The following ATXN10 variants were observed in gnomAD, a reference collection of about 807,000 sequenced individuals.
ATXN10 encodes the protein ataxin 10.
A neutral mutation model predicts 52.9 loss-of-function variants in ATXN10; 28 were observed. The ratio of observed to expected loss-of-function variants is 0.53; its 90% CI spans 0.39 to 0.73. The LOEUF (loss-of-function observed/expected upper bound fraction) is 0.73, where lower values mean the gene tolerates loss of function less well. Ranked by LOEUF, ATXN10 falls within the 30% of genes least tolerant of loss-of-function variation. ATXN10 has a pLI of 0.00. For missense variants in ATXN10, 565 were observed against 577.0 expected, an observed-to-expected ratio of 0.98 and a Z score of 0.21; for synonymous variants, 226 against 221.5, an observed-to-expected ratio of 1.02 and a Z score of -0.18.
In ATXN10 at chr22:45,795,453, C is replaced by G. The variant is rs2146871629; in HGVS notation, c.1174-11506C>G. 6.8e-6 allele frequency among the ~76,000 whole-genome samples: 1 copy of G among 147,512 alleles called. No individual in the cohort carries two copies. The highest frequency in any genetic ancestry group is 2.0e-4 in the East Asian group (1 of 4,902). On this transcript the variant is annotated intron_variant, in intron 9 of 11. Coordinates refer to ENST00000252934, the MANE Select transcript of ATXN10 (RefSeq NM_013236.4). The surrounding 1 kb of genome is among the most constrained non-coding windows in gnomAD (Gnocchi z 4.6). ...TGAGATGAAGTCTCTCTATGTTGCC[C>G]AGGCTGGAGTGCAGTGGCGCGATCT...
intron 6 of ATXN10, among the ~76,000 whole-genome samples, chr22:45,720,954 G>A (rs1375170559): frequency 6.6e-6 from 1 of 152,230 alleles, no homozygotes; most frequent in Non-Finnish European, 1.5e-5. Flanking sequence ...GTGCATGTGA[G>A]CATTACAGAG....
At chr22:45,749,427 A>G (rs1256794427) in intron 9 of ATXN10, among the ~76,000 whole-genome samples, 5 of 152,230 alleles carry the variant, frequency 3.3e-5, no homozygotes, top group Admixed American at 1.3e-4. Flanking sequence ...TTTGAAATCT[A>G]TGACCAAATT....
intron 9 of ATXN10, among the ~76,000 whole-genome samples, chr22:45,803,940 A>G (rs1374431154): frequency 3.9e-5 from 6 of 152,148 alleles, no homozygotes; most frequent in African/African-American, 1.4e-4. Flanking sequence ...CGAACCCTCC[A>G]TGCCAGTGCT....
intron 5 of ATXN10, among the ~76,000 whole-genome samples, chr22:45,703,214 T>G (rs1923908555): frequency 1.3e-5 from 2 of 152,210 alleles, no homozygotes; most frequent in Admixed American, 6.5e-5. Context: ...GCGAGCCTTG[T>G]AAGCATCTGT....
chr22:45,814,400 A>G (rs148637167), intron 10 of ATXN10, among the ~76,000 whole-genome samples: 26 of 152,336 alleles, frequency 1.7e-4, no homozygotes, highest in African/African-American at 6.0e-4. Flanking sequence ...GGGAAATGCA[A>G]ATTTAATCCA....
chr22:45,697,920 G>A (rs906488826), intron 3 of ATXN10, among the ~76,000 whole-genome samples: 4 of 152,218 alleles, frequency 2.6e-5, no homozygotes, highest in Admixed American at 1.3e-4. Context: ...GTGAGCCACC[G>A]CTCCTGGCCT....
intron 10 of ATXN10, 110 bp downstream of exon 10, chr22:45,807,132 G>A (rs1400287725): frequency 4.6e-6 from 4 of 866,042 alleles, no homozygotes; most frequent in Non-Finnish European, 8.0e-6. Flanking sequence ...TTGCTTGCTT[G>A]TTTACTTGTT....
chr22:45,746,520 G>GAAAT (rs1925732152), intron 9 of ATXN10, among the ~76,000 whole-genome samples: 1 of 152,106 alleles, frequency 6.6e-6, no homozygotes, highest in Non-Finnish European at 1.5e-5. Flanking sequence ...GCTCTGCAGA[G>GAAAT]AAATAAATAA....
chr22:45,817,299 T>C (rs993128501), intron 10 of ATXN10, among the ~76,000 whole-genome samples: 3 of 151,300 alleles, frequency 2.0e-5, no homozygotes, highest in Admixed American at 1.3e-4. Context: ...CTTTTTGGTA[T>C]GGCTTCCCAT....
chr22:45,751,763 A>AAAAAAATAATAAT, intron 9 of ATXN10, among the ~76,000 whole-genome samples: 4 of 66,612 alleles, frequency 6.0e-5, no homozygotes, highest in South Asian at 3.8e-4. Flanking sequence ...AATAAAAAAA[A>AAAAAAATAATAAT]AATAATAATA....
At position 45,683,791 on chromosome 22, in the gene ATXN10, G is replaced by A. The variant is rs1255704167; in HGVS notation, c.117-5921G>A. On this transcript the variant is annotated intron_variant, in intron 1 of 11. Transcript: ENST00000252934. This position sits in a 1 kb window ranked among gnomAD's most constrained non-coding sequence, Gnocchi z 4.8. ...TTAACAGTTGTTACAGCACCTCTTC[G>A]AGCACAGTCCATCTTCCCCAGGTCT... 6.6e-6 allele frequency among the ~76,000 whole-genome samples: 1 copy of A among 152,016 alleles called. No homozygotes were observed. Among genetic ancestry groups the A allele is most frequent in the East Asian group, 1.9e-4 (1 of 5,194 alleles).
chr22:45,696,699 T>C lies in ATXN10; in HGVS notation c.392-3583T>C, dbSNP rs986662173. On this transcript the variant is annotated intron_variant, in intron 3 of 11. Transcript: ENST00000252934. The surrounding 1 kb of genome is among the most constrained non-coding windows in gnomAD (Gnocchi z 4.7). ...ACTCCATGTCCCCGTCAGTCCAGTA[T>C]CTCGTTTTTCTGCTCTATCCCAAAT... Among the ~76,000 whole-genome samples the C allele has an allele frequency of 6.6e-6, 1 of 152,244 alleles. No homozygotes were observed. The highest frequency in any genetic ancestry group is 6.5e-5 in the Admixed American group (1 of 15,286).
At chr22:45,764,108 C>T (rs1374510758) in intron 9 of ATXN10, among the ~76,000 whole-genome samples, 7 of 152,204 alleles carry the variant, frequency 4.6e-5, no homozygotes, top group African/African-American at 7.2e-5. Flanking sequence ...ATCTTCAATA[C>T]TGCAGCATCT....
intron 9 of ATXN10, among the ~76,000 whole-genome samples, chr22:45,779,495 C>A (rs1389481907): frequency 6.6e-6 from 1 of 152,172 alleles, no homozygotes; most frequent in Non-Finnish European, 1.5e-5. Context: ...AGAAACTTCA[C>A]AGCTGGGAGC....
At chr22:45,799,022 T>C (rs566906725) in intron 9 of ATXN10, among the ~76,000 whole-genome samples, 24 of 152,108 alleles carry the variant, frequency 1.6e-4, no homozygotes, top group Non-Finnish European at 2.8e-4. Context: ...TCTCCCCAAG[T>C]TGACCTCTAT....
At chr22:45,711,698 T>C (rs1403669989) in intron 5 of ATXN10, among the ~76,000 whole-genome samples, 1 of 152,120 alleles carries the variant, frequency 6.6e-6, no homozygotes, top group Non-Finnish European at 1.5e-5. Context: ...ATAAAAATAT[T>C]TAATTAAAAA....
rs537103243 is a variant in ATXN10, at chr22:45,784,991, G to A, written c.1174-21968G>A. ...ATTGTAGATGATGCATTATGGGTGGGGATTGCACCCCAAGTAGCAGAGGCA... is the reference window on the plus strand; with the variant it reads ...ATTGTAGATGATGCATTATGGGTGGAGATTGCACCCCAAGTAGCAGAGGCA... On this transcript the variant is annotated intron_variant, in intron 9 of 11. Transcript: ENST00000252934. The surrounding 1 kb of genome is among the most constrained non-coding windows in gnomAD (Gnocchi z 4.2). 6.6e-6 allele frequency among the ~76,000 whole-genome samples: 1 copy of A among 152,162 alleles called. No homozygotes were observed. Among genetic ancestry groups the A allele is most frequent in the Non-Finnish European group, 1.5e-5 (1 of 68,040 alleles).
At chr22:45,756,030 A>G (rs1340119479) in intron 9 of ATXN10, among the ~76,000 whole-genome samples, 1 of 152,222 alleles carries the variant, frequency 6.6e-6, no homozygotes, top group African/African-American at 2.4e-5. Flanking sequence ...CATGTTTGGC[A>G]CAGACTTGGC....
intron 9 of ATXN10, among the ~76,000 whole-genome samples, chr22:45,800,411 A>G (rs1927892941): frequency 6.6e-6 from 1 of 152,218 alleles, no homozygotes; most frequent in Non-Finnish European, 1.5e-5. Flanking sequence ...GTAAATTAAG[A>G]CCACAGTGTG....
Sources: allele counts gnomAD v4.1 joint callset (sites outside exome capture counted in the v4.1 genomes callset), GRCh38; gene constraint gnomAD v4.1.1; non-coding constraint Gnocchi (gnomAD v3.1); transcripts MANE v1.5; gene names NCBI Gene and HGNC (gene_info 2026-07-23, HGNC 2026-07-21).